MAPK10: variants seen among roughly 807,000 people sequenced by gnomAD.
The protein encoded by MAPK10 is JNK3 alpha protein kinase.
MAPK10 carries 25 observed loss-of-function variants against 59.3 expected under a neutral mutation model. The ratio of observed to expected loss-of-function variants is 0.42; its 90% CI spans 0.31 to 0.59. The LOEUF is 0.59. Among genes scored for constraint, MAPK10 ranks in the 20% least tolerant of loss-of-function variants. The pLI is 0.15. For synonymous variants in MAPK10, 190 were observed against 200.5 expected, an observed-to-expected ratio of 0.95 and a Z score of 0.44; for missense variants, 351 against 568.9, an observed-to-expected ratio of 0.62 and a Z score of 3.90.
In MAPK10 at chr4:86,553,021, A is replaced by T. The variant is rs571196267; in HGVS notation, c.-263+40889T>A. Reference sequence around the variant, plus strand: ...TTTTTACTCTGACCCAGGAGTCTTCATGTCTTCTGCCGGCATCCATAAAAC... The same window carrying T: ...TTTTTACTCTGACCCAGGAGTCTTCTTGTCTTCTGCCGGCATCCATAAAAC... On this transcript the variant is annotated intron_variant, in intron 1 of 4. Coordinates refer to the MAPK10 transcript ENST00000502302. Among the ~76,000 whole-genome samples the T allele has an allele frequency of 3.9e-5, 6 of 152,264 alleles. No individual in the cohort carries two copies. The South Asian group carries it at 1.0e-3, about 26-fold the overall frequency.
chr4:86,157,254 G>C (rs2068081288), intron 4 of MAPK10, among the ~76,000 whole-genome samples: 1 of 151,960 alleles, frequency 6.6e-6, no homozygotes, highest in Admixed American at 6.6e-5. Context: ...TAGGAGGATG[G>C]AGATTCTATG....
chr4:86,087,482 TCA>T (rs1344716283), intron 9 of MAPK10, among the ~76,000 whole-genome samples: 1 of 152,172 alleles, frequency 6.6e-6, no homozygotes, highest in Non-Finnish European at 1.5e-5. Flanking sequence ...CTGAAGGAAT[TCA>T]GTTTTTATAA....
chr4:86,239,311 T>C (rs2092534852), intron 2 of MAPK10, among the ~76,000 whole-genome samples: 1 of 152,200 alleles, frequency 6.6e-6, no homozygotes, highest in African/African-American at 2.4e-5. Context: ...AGTTCTTTTG[T>C]TGTGATGGTG....
rs70948789 is a variant in MAPK10 at position 86,365,431 on chromosome 4, C to CAAAAAAAAAAAAAAAAAAAAAAAA, written c.-121-10811_-121-10788dup. ...TGGGCAACAGGGTGAGACTCTGTCT[C>CAAAAAAAAAAAAAAAAAAAAAAAA]AAAAAAAAAAAAAAAAAAAAAAAAA... On this transcript the variant is annotated intron_variant, in intron 1 of 13. Coordinates refer to the MAPK10 transcript ENST00000361569. 2.5e-4 allele frequency among the ~76,000 whole-genome samples: 8 copies of CAAAAAAAAAAAAAAAAAAAAAAAA among 32,448 alleles called. 1 individual carries two copies. The highest frequency in any genetic ancestry group is 1.0e-3 in the East Asian group (1 of 962). 21.3% of individuals were successfully genotyped at this position (32,448 alleles called of 152,430 possible).
intron 2 of MAPK10, among the ~76,000 whole-genome samples, chr4:86,262,625 G>A (rs2094044891): frequency 6.6e-6 from 1 of 152,144 alleles, no homozygotes; most frequent in South Asian, 2.1e-4. Context: ...ACTGAAGAAT[G>A]TTTTGTTGAA....
rs546325849 is a variant in MAPK10 at position 86,359,245 on chromosome 4, G to A, written c.-122+413C>T. ...GTCAGCACTTCTAACAAGCACAGCT[G>A]TTTGGTGTTTTTTTTTTCCTCTCTC... On this transcript the variant is annotated intron_variant, in intron 1 of 13. Transcript: ENST00000641462. Among the ~76,000 whole-genome samples the A allele has an allele frequency of 4.9e-3, 398 of 81,506 alleles. 1 individual carries two copies. Among genetic ancestry groups the A allele is most frequent in the Middle Eastern group, 9.3e-3 (1 of 108 alleles). 53.5% of individuals were successfully genotyped at this position (81,506 alleles called of 152,430 possible). A position where few individuals can be genotyped will look rare whatever the true frequency, so the allele number is the denominator to read the frequency against.
rs1407151693 is a variant in MAPK10, at chr4:86,101,195, A to G, written c.587T>C (p.Val196Ala). 3.1e-6 allele frequency: 5 copies of G among 1,613,756 alleles called. No individual in the cohort carries two copies. Among genetic ancestry groups the G allele is most frequent in the African/African-American group, 1.3e-5 (1 of 74,898 alleles). Residue 196 changes from valine to alanine, a missense_variant, in exon 8 of 14, where the codon GTA becomes GCA. Physicochemically the swap from Val to Ala is moderately conservative, Grantham distance 64. Coordinates refer to ENST00000641462, the MANE Select transcript of MAPK10 (RefSeq NM_138982.4). ...TTTCAATGTGCAATCAGACTTGACT[A>G]CAATGTTACTTGGTTTTAAATCCTA... ...IHRDLKPSNIVVKSDCTLKIL... is the reference protein window; with the variant it reads ...IHRDLKPSNIAVKSDCTLKIL...
At chr4:86,511,653 G>A (rs1756259915) in intron 1 of MAPK10, among the ~76,000 whole-genome samples, 1 of 150,450 alleles carries the variant, frequency 6.6e-6, no homozygotes, top group Non-Finnish European at 1.5e-5. Context: ...AATACAGAAG[G>A]AGGAGGAGGA....
At position 86,440,112 on chromosome 4, in the gene MAPK10, A is replaced by G. The variant is rs144362996; in HGVS notation, c.-122+12918T>C. Among the ~76,000 whole-genome samples, 1,436 of 152,350 alleles carry G rather than the reference A, an allele frequency of 9.4e-3. 6 individuals are homozygous for G. Among genetic ancestry groups the G allele is most frequent in the Non-Finnish European group, 0.014 (957 of 68,028 alleles). ...AAAACAGCACAGGCACTAAACAACC[A>G]GAGTAGACACAAGATATAGACTATA... is the stretch of plus-strand genomic sequence containing the variant. On this transcript the variant is annotated intron_variant, in intron 1 of 13. Transcript: ENST00000361569.
intron 9 of MAPK10, 83 bp from the exon 10 acceptor site, chr4:86,068,038 C>T: frequency 1.2e-6 from 1 of 815,448 alleles, no homozygotes; most frequent in Non-Finnish European, 1.9e-6. Flanking sequence ...TCTCAAAGTC[C>T]TCAACAGTCA....
rs1377889107 is a variant in MAPK10 at position 86,359,261 on chromosome 4, T to C, written c.-122+397A>G. 6.3e-3 allele frequency among the ~76,000 whole-genome samples: 729 copies of C among 115,356 alleles called. 13 individuals are homozygous for C. Among genetic ancestry groups the C allele is most frequent in the African/African-American group, 0.023 (691 of 30,372 alleles). The allele number at this position is 115,356 out of a possible 152,430, so 75.7% of individuals were successfully genotyped here. On this transcript the variant is annotated intron_variant, in intron 1 of 13. Coordinates refer to ENST00000641462, the MANE Select transcript of MAPK10 (RefSeq NM_138982.4). ...AGCACAGCTGTTTGGTGTTTTTTTT[T>C]TCCTCTCTCTCTCTCTCTCTCTCTC...
At chr4:86,214,736 C>T (rs1468797114) in intron 2 of MAPK10, among the ~76,000 whole-genome samples, 1 of 151,700 alleles carries the variant, frequency 6.6e-6, no homozygotes, top group Non-Finnish European at 1.5e-5. Flanking sequence ...ACAATGAAAA[C>T]TAAAGAAAAA....
chr4:86,315,156 C>T (rs778926665), intron 2 of MAPK10, among the ~76,000 whole-genome samples: 3 of 152,004 alleles, frequency 2.0e-5, no homozygotes, highest in Non-Finnish European at 2.9e-5. Context: ...AGACAAACAT[C>T]ACATGTTCTT....
At chr4:86,561,967 T>C (rs1760711032) in intron 1 of MAPK10, among the ~76,000 whole-genome samples, 2 of 152,232 alleles carry the variant, frequency 1.3e-5, no homozygotes, top group African/African-American at 2.4e-5. Flanking sequence ...CCTGAAAGGC[T>C]TTCCCATCTC....
At chr4:86,074,016 T>C (rs1372584139) in intron 9 of MAPK10, among the ~76,000 whole-genome samples, 2 of 93,848 alleles carry the variant, frequency 2.1e-5, no homozygotes, top group Non-Finnish European at 4.4e-5. Context: ...CCATTATTAA[T>C]GTGTGGGAGT....
chr4:86,187,373 G>C (rs2078503020), intron 3 of MAPK10, among the ~76,000 whole-genome samples: 1 of 152,170 alleles, frequency 6.6e-6, no homozygotes, highest in Non-Finnish European at 1.5e-5. Flanking sequence ...TCACTGGCAG[G>C]TGGCATTATA....
In MAPK10 at chr4:86,010,596, C is replaced by T. The variant is rs139638147; in HGVS notation, c.*6632G>A. 8 of 152,208 alleles carry T rather than the reference C, an allele frequency of 5.3e-5. No individual in the cohort carries two copies. The highest frequency in any genetic ancestry group is 1.9e-4 in the East Asian group (1 of 5,176). The allele number at this position is 152,208 out of a possible 1,614,324, so 9.4% of individuals were successfully genotyped here. On this transcript the variant is annotated 3_prime_UTR_variant, in exon 14 of 14. Coordinates refer to ENST00000641462, the MANE Select transcript of MAPK10 (RefSeq NM_138982.4). ...GCTTGATTTACACCAAATCCAAGTT[C>T]GCAATGTATTAACATGAAGGAATAG... is the stretch of plus-strand genomic sequence containing the variant.
chr4:86,338,276 A>AGG (rs1224272598), intron 2 of MAPK10, among the ~76,000 whole-genome samples: 8 of 152,268 alleles, frequency 5.3e-5, no homozygotes, highest in African/African-American at 1.7e-4. Context: ...AAAACACTAA[A>AGG]ACTAACTGGC....
intron 2 of MAPK10, among the ~76,000 whole-genome samples, chr4:86,324,808 A>C (rs567147436): frequency 2.9e-3 from 440 of 152,292 alleles, no homozygotes; most frequent in Non-Finnish European, 4.2e-3. Context: ...CTCTACTTAC[A>C]ATCTAGGTGC....
Sources: allele counts gnomAD v4.1 joint callset (sites outside exome capture counted in the v4.1 genomes callset), GRCh38; gene constraint gnomAD v4.1.1; transcripts MANE v1.5; gene names NCBI Gene and HGNC (gene_info 2026-07-23, HGNC 2026-07-21).